Variants in IQANK1 observed in about 807,000 individuals in gnomAD.
IQANK1 encodes the protein IQ motif and ankyrin repeat containing 1.
In IQANK1, 30 loss-of-function variants were observed where a neutral mutation model predicts 22.6. That is an observed-to-expected ratio of 1.33 (90% CI 0.99 to 1.80). The LOEUF is 1.80. IQANK1 is among the 40% of genes most tolerant of loss of function. The pLI is 0.00. For missense variants in IQANK1, 275 were observed against 235.2 expected (o/e 1.17, Z -1.11); for synonymous variants, 122 against 99.6 (o/e 1.23, Z -1.34).
intron 3 of IQANK1, among the ~76,000 whole-genome samples, chr8:143,740,973 G>A (rs968509031): frequency 2.6e-5 from 4 of 152,340 alleles, no homozygotes; most frequent in South Asian, 4.1e-4. Context: ...GAGGAAGCAC[G>A]GAACACAAGC....
intron 3 of IQANK1, among the ~76,000 whole-genome samples, chr8:143,748,807 C>CATATAAATATATAAATATATATTTCAT (rs1563770431): frequency 0.22 from 7,238 of 33,612 alleles, 1,462 homozygotes; most frequent in East Asian, 0.64. Context: ...AAATATATAT[C>CATATAAATATATAAATATATATTTCAT]ATATAAATAT....
intron 3 of IQANK1, among the ~76,000 whole-genome samples, chr8:143,765,560 C>T (rs184777166): frequency 7.2e-5 from 11 of 152,332 alleles, no homozygotes; most frequent in Non-Finnish European, 1.5e-5. Flanking sequence ...GTTCATCTCT[C>T]TGCCCATTGC....
intron 7 of IQANK1, among the ~76,000 whole-genome samples, chr8:143,785,253 C>CTTTTTTTTTTTTTTTT (rs36118052): frequency 1.1e-5 from 1 of 92,038 alleles, no homozygotes; most frequent in African/African-American, 3.6e-5. Flanking sequence ...TGTTCTGTAT[C>CTTTTTTTTTTTTTTTT]TTTTTTTTTT....
At chr8:143,769,369 T>TA (rs1486673849) in intron 3 of IQANK1, among the ~76,000 whole-genome samples, 5 of 150,902 alleles carry the variant, frequency 3.3e-5, no homozygotes, top group South Asian at 2.1e-4. Context: ...CCTATATATA[T>TA]TTTTTTAAAG....
intron 3 of IQANK1, among the ~76,000 whole-genome samples, chr8:143,748,764 T>TC (rs1819098269): frequency 8.9e-6 from 1 of 112,120 alleles, no homozygotes; most frequent in Admixed American, 1.2e-4. Flanking sequence ...TATAAATATA[T>TC]ATAATATATA....
chr8:143,776,785 G>A (rs1302082115), intron 7 of IQANK1, among the ~76,000 whole-genome samples: 1 of 152,092 alleles, frequency 6.6e-6, no homozygotes, highest in African/African-American at 2.4e-5. Flanking sequence ...AATATTTAAT[G>A]GCTCCTATAC....
intron 3 of IQANK1, among the ~76,000 whole-genome samples, chr8:143,766,099 C>T (rs1221843885): frequency 2.0e-5 from 3 of 152,162 alleles, no homozygotes; most frequent in Admixed American, 6.5e-5. Context: ...TCTCTCTAGC[C>T]GGTGTGCGTG....
At chr8:143,773,221 C>G (rs1025770920) in intron 7 of IQANK1, among the ~76,000 whole-genome samples, 1 of 150,866 alleles carries the variant, frequency 6.6e-6, no homozygotes, top group Non-Finnish European at 1.5e-5. Flanking sequence ...GCAGGAGAAT[C>G]GTTTGAACCT....
At chr8:143,751,005 C>A (rs1819178031) in intron 3 of IQANK1, among the ~76,000 whole-genome samples, 1 of 150,288 alleles carries the variant, frequency 6.7e-6, no homozygotes, top group African/African-American at 2.4e-5. Context: ...TTCCTCAATT[C>A]CTTTGGTATA....
intron 7 of IQANK1, among the ~76,000 whole-genome samples, chr8:143,778,411 G>T (rs150109365): frequency 6.6e-6 from 1 of 152,222 alleles, no homozygotes; most frequent in African/African-American, 2.4e-5. Context: ...AAGGATAAAA[G>T]AATCATTTAG....
chr8:143,748,856 T>TTTC lies in IQANK1; in HGVS notation c.175+8908_175+8909insTTC, dbSNP rs1554627623. ...TCATATATAAATATATAAATATATA[T>TTTC]ATCATATATAAATATATAAATATAT... On this transcript the variant is annotated intron_variant, in intron 3 of 13. Transcript: ENST00000527139. Among the ~76,000 whole-genome samples the TTTC allele has an allele frequency of 2.4e-4, 27 of 113,552 alleles. No homozygotes were observed. The East Asian group carries it at 3.8e-3, about 16-fold the overall frequency. The allele number at this position is 113,552 out of a possible 152,430, so 74.5% of individuals were successfully genotyped here. A position where few individuals can be genotyped will look rare whatever the true frequency, so the allele number is the denominator to read the frequency against.
intron 3 of IQANK1, among the ~76,000 whole-genome samples, chr8:143,746,630 A>C (rs888472186): frequency 2.6e-5 from 4 of 152,118 alleles, no homozygotes; most frequent in Non-Finnish European, 5.9e-5. Context: ...TGATCCTCCC[A>C]CCTTGGTTTC....
chr8:143,757,522 G>A (rs1352342490), intron 3 of IQANK1, among the ~76,000 whole-genome samples: 1 of 152,070 alleles, frequency 6.6e-6, no homozygotes, highest in African/African-American at 2.4e-5. Context: ...ATTTTTAGTA[G>A]AGAAGGGGTT....
At chr8:143,753,895 C>G (rs1374835189) in intron 3 of IQANK1, among the ~76,000 whole-genome samples, 2 of 152,066 alleles carry the variant, frequency 1.3e-5, no homozygotes, top group African/African-American at 4.8e-5. Flanking sequence ...AAATCAGACT[C>G]TCCTCCTTCC....
Position 143,771,612 on chromosome 8 carries a change from G to A in IQANK1, c.300G>A (p.Gln100=), listed in dbSNP as rs1563776758. 1.0e-5 allele frequency: 4 copies of A among 398,906 alleles called. No individual in the cohort carries two copies. The highest frequency in any genetic ancestry group is 1.8e-5 in the Non-Finnish European group (4 of 226,484). 24.7% of individuals were successfully genotyped at this position (398,906 alleles called of 1,614,324 possible). The change falls in exon 4 of 14, where the codon CAG becomes CAA. Residue 100 remains glutamine, a synonymous_variant. Coordinates refer to ENST00000527139, the MANE Select transcript of IQANK1 (RefSeq NM_001381874.1). This position sits in a 1 kb window ranked among gnomAD's most constrained non-coding sequence, Gnocchi z 6.0. ...REYLEQMETP[Q]KEAYLAPVRR... ...ACCTGGAGCAGATGGAGACGCCGCA[G>A]AAGGAGGTGAGGACGGGCAGCCGCA...
At chr8:143,772,646 A>G (rs73373150) in intron 7 of IQANK1, among the ~76,000 whole-genome samples, 164 bp downstream of exon 7, 6,917 of 152,284 alleles carry the variant, frequency 0.045, 551 homozygotes, top group African/African-American at 0.16. Context: ...GAAAGCTGTC[A>G]GAAGCCTGAG....
chr8:143,777,805 A>C (rs938079314), intron 7 of IQANK1, among the ~76,000 whole-genome samples: 3 of 152,190 alleles, frequency 2.0e-5, no homozygotes, highest in African/African-American at 2.4e-5. Context: ...GAAAAGAACC[A>C]CTGGGACCAG....
intron 2 of IQANK1, among the ~76,000 whole-genome samples, chr8:143,736,697 C>T (rs1554625736): frequency 6.6e-6 from 1 of 152,178 alleles, no homozygotes; most frequent in Non-Finnish European, 1.5e-5. Flanking sequence ...TGCTCCCAGT[C>T]ACCTTCTCCA....
intron 2 of IQANK1, among the ~76,000 whole-genome samples, chr8:143,739,240 G>C (rs1485495828): frequency 1.3e-5 from 2 of 151,920 alleles, no homozygotes; most frequent in African/African-American, 4.9e-5. Flanking sequence ...TTGTTGGGAG[G>C]GTGGGCTCCA....
Sources: gnomAD v4.1 joint callset for allele counts (sites outside exome capture counted in the v4.1 genomes callset) on GRCh38, gnomAD v4.1.1 for gene constraint, Gnocchi (gnomAD v3.1) non-coding constraint, MANE v1.5 for transcripts, NCBI Gene and HGNC (gene_info 2026-07-23, HGNC 2026-07-21) for gene names.